The following NFIB variants were observed in gnomAD, a reference collection of about 807,000 sequenced individuals.
The protein encoded by NFIB is nuclear factor 1 B-type.
A neutral mutation model predicts 61.5 loss-of-function variants in NFIB; 11 were observed. That is an observed-to-expected ratio of 0.18 (90% confidence interval 0.11 to 0.30). The LOEUF (loss-of-function observed/expected upper bound fraction) is 0.30. Among genes scored for constraint, NFIB ranks in the 10% least tolerant of loss-of-function variants. NFIB has a pLI of 1.00. For synonymous variants in NFIB, 260 were observed against 216.5 expected (o/e 1.20, Z -1.76); for missense variants, 471 against 608.9 (o/e 0.77, Z 2.38).
the NFIB span, among the ~76,000 whole-genome samples, chr9:14,512,932 T>TTAA: frequency 1.4e-5 from 1 of 71,756 alleles, no homozygotes; most frequent in African/African-American, 4.5e-5. Flanking sequence ...CCAAAGCTTT[T>TTAA]GAAAAAAAAA....
chr9:14,318,856 A>T (rs2060600175), upstream of NFIB, among the ~76,000 whole-genome samples: 1 of 152,156 alleles, frequency 6.6e-6, no homozygotes, highest in Admixed American at 6.5e-5. Flanking sequence ...TGCAAAATCA[A>T]TTTTACCAGC....
chr9:14,316,100 G>A (rs2060532565), upstream of NFIB, among the ~76,000 whole-genome samples: 2 of 152,142 alleles, frequency 1.3e-5, no homozygotes, highest in South Asian at 4.1e-4. Context: ...GGACCTGGAG[G>A]AACCAGTGAC....
chr9:14,156,937 A>G (rs1198292964), intron 3 of NFIB, among the ~76,000 whole-genome samples: 1 of 152,198 alleles, frequency 6.6e-6, no homozygotes, highest in Non-Finnish European at 1.5e-5. Context: ...AATTAGATGC[A>G]GTTCAGAGAT....
At chr9:14,460,259 A>G in the NFIB span, among the ~76,000 whole-genome samples, 1 of 152,118 alleles carries the variant, frequency 6.6e-6, no homozygotes, top group Admixed American at 6.5e-5. Context: ...TCAGCAAACT[A>G]TAGCAAGGAC....
chr9:14,296,244 T>C (rs1488165895), intron 2 of NFIB, among the ~76,000 whole-genome samples: 3 of 152,244 alleles, frequency 2.0e-5, no homozygotes, highest in Non-Finnish European at 2.9e-5. Flanking sequence ...ATTAACATTA[T>C]TGCTTTTACT....
intron 4 of NFIB, among the ~76,000 whole-genome samples, chr9:14,154,901 T>G (rs1373852028): frequency 6.6e-6 from 1 of 152,178 alleles, no homozygotes; most frequent in African/African-American, 2.4e-5. Context: ...GTAACTCGAT[T>G]ACTCTTTGTT....
At chr9:14,121,245 A>G (rs1170904642) in intron 7 of NFIB, among the ~76,000 whole-genome samples, 3 of 152,230 alleles carry the variant, frequency 2.0e-5, no homozygotes, top group East Asian at 1.9e-4. Context: ...ACCTGGTGAC[A>G]GAACCCCATC....
rs139603624 is a variant in NFIB at position 14,212,851 on chromosome 9, T to C, written c.563-33071A>G. On this transcript the variant is annotated intron_variant, in intron 2 of 10. Coordinates refer to ENST00000380953, the MANE Select transcript of NFIB (RefSeq NM_001190737.2). The stretch of plus-strand genomic sequence containing the variant: ...GGTAGATATTACTATCCCCATTTCA[T>C]AGATAAGGAAATTGAGGCTCACAGA... Among the ~76,000 whole-genome samples, 1,393 of 152,314 alleles carry C rather than the reference T, an allele frequency of 9.1e-3. 12 individuals carry two copies. The highest frequency in any genetic ancestry group is 0.017 in the Middle Eastern group (5 of 294).
At chr9:14,453,773 T>G in the NFIB span, among the ~76,000 whole-genome samples, 2 of 152,154 alleles carry the variant, frequency 1.3e-5, no homozygotes, top group African/African-American at 4.8e-5. Flanking sequence ...AGCAGTAAAT[T>G]TTTATAACAA....
At chr9:14,236,968 AT>A (rs942440010) in intron 2 of NFIB, among the ~76,000 whole-genome samples, 3 of 150,952 alleles carry the variant, frequency 2.0e-5, no homozygotes, top group Non-Finnish European at 3.0e-5. Context: ...AATTGCTCTC[AT>A]TTTTTTTTCT....
chr9:14,360,879 G>A (rs1228590205), intron 1 of NFIB, among the ~76,000 whole-genome samples: 1 of 151,990 alleles, frequency 6.6e-6, no homozygotes, highest in Non-Finnish European at 1.5e-5. Context: ...CAGTGATGTT[G>A]TACCTTTGGT....
At chr9:14,451,055 C>T in the NFIB span, among the ~76,000 whole-genome samples, 3 of 152,174 alleles carry the variant, frequency 2.0e-5, no homozygotes, top group African/African-American at 4.8e-5. Flanking sequence ...CAGGTGCTGG[C>T]ACCACATTAC....
intron 1 of NFIB, among the ~76,000 whole-genome samples, chr9:14,350,710 C>T (rs1450831725): frequency 6.6e-6 from 1 of 152,164 alleles, no homozygotes; most frequent in African/African-American, 2.4e-5. Context: ...AATGTAAATG[C>T]AGATACCTTA....
chr9:14,447,701 G>A, the NFIB span, among the ~76,000 whole-genome samples: 215 of 152,260 alleles, frequency 1.4e-3, no homozygotes, highest in Non-Finnish European at 2.4e-3. Context: ...TTTATTCTGA[G>A]AGTATAATTC....
chr9:14,093,272 G>A (rs1323656054), intron 10 of NFIB, among the ~76,000 whole-genome samples: 1 of 152,094 alleles, frequency 6.6e-6, no homozygotes, highest in Non-Finnish European at 1.5e-5. Context: ...AACAGTTTAT[G>A]AAATGTCTAA....
At chr9:14,370,768 C>T (rs895836050) in intron 1 of NFIB, among the ~76,000 whole-genome samples, 8 of 152,210 alleles carry the variant, frequency 5.3e-5, no homozygotes, top group Non-Finnish European at 1.2e-4. Flanking sequence ...GACCCCTGCT[C>T]TTCTGGAAAT....
intron 6 of NFIB, among the ~76,000 whole-genome samples, chr9:14,128,018 C>T (rs2039901767): frequency 6.6e-6 from 1 of 150,714 alleles, no homozygotes; most frequent in Non-Finnish European, 1.5e-5. Flanking sequence ...AAATTTAAAC[C>T]ATGGTTTAAA....
chr9:14,415,153 AT>A, the NFIB span, among the ~76,000 whole-genome samples: 1 of 152,178 alleles, frequency 6.6e-6, no homozygotes, highest in African/African-American at 2.4e-5. Context: ...CAGGTTCTTA[AT>A]AGAATTTACT....
chr9:14,428,538 A>T, the NFIB span, among the ~76,000 whole-genome samples: 1 of 152,210 alleles, frequency 6.6e-6, no homozygotes, highest in South Asian at 2.1e-4. Flanking sequence ...TGCAGAAATA[A>T]GAACAAGAGA....
Sources: allele counts gnomAD v4.1 joint callset (sites outside exome capture counted in the v4.1 genomes callset), GRCh38; gene constraint gnomAD v4.1.1; transcripts MANE v1.5; gene names NCBI Gene and HGNC (gene_info 2026-07-23, HGNC 2026-07-21).